MDN1: variants seen among roughly 807,000 people sequenced by gnomAD.
MDN1 encodes midasin.
Under a neutral mutation model 669.2 loss-of-function variants are expected in MDN1, and 266 were observed. The observed-to-expected ratio is 0.40, with a 90% CI of 0.36 to 0.44. The LOEUF (loss-of-function observed/expected upper bound fraction) is 0.44, where lower values mean the gene tolerates loss of function less well. Ranked by LOEUF, MDN1 falls within the 20% of genes least tolerant of loss-of-function variation. The pLI is 1.00. For missense variants in MDN1, 5,940 were observed against 6,754.0 expected (o/e 0.88, Z 4.22); for synonymous variants, 2,385 against 2,457.1 (o/e 0.97, Z 0.87).
chr6:89,651,684 A>G (rs990277827), intron 95 of MDN1, among the ~76,000 whole-genome samples: 15 of 152,212 alleles, frequency 9.9e-5, no homozygotes, highest in Admixed American at 3.3e-4. Flanking sequence ...ACAAAGCCCC[A>G]TGATTTTTCT....
Position 89,781,445 on chromosome 6 carries a change from T to C in MDN1, c.1597A>G (p.Arg533Gly), listed in dbSNP as rs1042912092. ...TCAAGGGTTGGTCTTTTGTTTTCTC[T>C]TCTGGCTTCTGAAACTTCTTCAGGT... Reference protein sequence around the residue: ...QAPEEVSEARRENKRPTLEGR... With the variant: ...QAPEEVSEARGENKRPTLEGR... The change falls in exon 10 of 102, where the codon AGA becomes GGA. Residue 533 changes from arginine (R) to glycine (G), a missense_variant. Coordinates refer to ENST00000369393, the MANE Select transcript of MDN1 (RefSeq NM_014611.3). The C allele has an allele frequency of 1.9e-6, 3 of 1,614,182 alleles. No homozygotes were observed. The highest frequency in any genetic ancestry group is 3.3e-5 in the Admixed American group (2 of 60,020).
chr6:89,779,029 CCTT>C (rs1263723555), intron 11 of MDN1, among the ~76,000 whole-genome samples: 4 of 151,402 alleles, frequency 2.6e-5, no homozygotes, highest in Non-Finnish European at 5.9e-5. Flanking sequence ...TCTATGCACA[CCTT>C]CTTTATTTAA....
At chr6:89,659,526 A>C (rs1223367841) in intron 88 of MDN1, among the ~76,000 whole-genome samples, 1 of 152,246 alleles carries the variant, frequency 6.6e-6, no homozygotes, top group Admixed American at 6.5e-5. Flanking sequence ...AAAATATTTA[A>C]TATCTGACAC....
chr6:89,742,824 G>T (rs2128317202), intron 31 of MDN1, among the ~76,000 whole-genome samples: 1 of 152,064 alleles, frequency 6.6e-6, no homozygotes, highest in East Asian at 1.9e-4. Flanking sequence ...ACCATTCCAC[G>T]ATCCCATTGT....
intron 7 of MDN1, among the ~76,000 whole-genome samples, chr6:89,788,880 C>G (rs564066098): frequency 1.3e-5 from 2 of 152,150 alleles, no homozygotes; most frequent in South Asian, 4.1e-4. Flanking sequence ...AATCCCAGCA[C>G]TTTGGGAGGC....
At chr6:89,666,026 G>A (rs1241724630) in intron 84 of MDN1, among the ~76,000 whole-genome samples, 1 of 152,198 alleles carries the variant, frequency 6.6e-6, no homozygotes, top group East Asian at 1.9e-4. Flanking sequence ...TGGGGAGAGA[G>A]CAAGACTCTG....
chr6:89,743,060 G>T, intron 31 of MDN1, 90 bp downstream of exon 31: 1 of 1,492,654 alleles, frequency 6.7e-7, no homozygotes. Flanking sequence ...GCAGCCTGGG[G>T]TGACAGAGTG....
At chr6:89,781,930 A>G (rs184658463) in intron 9 of MDN1, among the ~76,000 whole-genome samples, 4 of 152,314 alleles carry the variant, frequency 2.6e-5, no homozygotes, top group Admixed American at 2.0e-4. Context: ...GGCTGCAGTG[A>G]GCAGTGATCA....
chr6:89,789,780 C>A lies in MDN1; in HGVS notation c.1230G>T (p.Val410=). The A allele has an allele frequency of 1.3e-6, 2 of 1,586,068 alleles. No homozygotes were observed. The highest frequency in any genetic ancestry group is 1.7e-6 in the Non-Finnish European group (2 of 1,167,802). ...LEDIDYAPLD[V]VSVLIPLLEN... is the part of the protein sequence containing the mutation. ...CAATGAATTTCCTGAGATGACATAC[C>A]ACGTCTAAGGGGGCATAGTCAATAT... The change falls in exon 7 of 102, where the codon GTG becomes GTT. Residue 410 remains valine (V), a splice_region_variant and synonymous_variant. Transcript: ENST00000369393.
At chr6:89,740,576 A>AG (rs1309419274) in intron 31 of MDN1, among the ~76,000 whole-genome samples, 198 bp from the exon 32 acceptor site, 8 of 152,180 alleles carry the variant, frequency 5.3e-5, no homozygotes, top group Non-Finnish European at 1.0e-4. Flanking sequence ...CTGATCAAGA[A>AG]AAAAAAACTT....
chr6:89,692,728 G>A lies in MDN1; in HGVS notation c.10302C>T (p.Thr3434=). 1 of 1,614,148 alleles carries A rather than the reference G, an allele frequency of 6.2e-7. No homozygotes were observed. Among genetic ancestry groups the A allele is most frequent in the Non-Finnish European group, 8.5e-7 (1 of 1,179,996 alleles). The change falls in exon 63 of 102, where the codon ACC becomes ACT. Residue 3434 remains threonine, a synonymous_variant. Coordinates refer to ENST00000369393, the MANE Select transcript of MDN1 (RefSeq NM_014611.3). Reference sequence around the variant, plus strand: ...GGAAAGCCAGCAAGGCTGTGGCCAGGGTCCCCAGCCTGTCTGCACCAACCA... The same window carrying A: ...GGAAAGCCAGCAAGGCTGTGGCCAGAGTCCCCAGCCTGTCTGCACCAACCA... ...SSMVGADRLG[T]LATALLAFPS... is the part of the protein sequence containing the mutation.
chr6:89,717,088 G>A (rs1191826299), intron 43 of MDN1, among the ~76,000 whole-genome samples: 1 of 152,176 alleles, frequency 6.6e-6, no homozygotes, highest in African/African-American at 2.4e-5. Flanking sequence ...TTCTCAAATG[G>A]CAGAAGGAGG....
chr6:89,678,521 C>T, intron 75 of MDN1, 78 bp downstream of exon 75: 1 of 1,513,052 alleles, frequency 6.6e-7, no homozygotes, highest in Non-Finnish European at 9.0e-7. Flanking sequence ...TATGGAATTT[C>T]CCCCAAAATC....
chr6:89,709,495 C>T (rs959124870), intron 50 of MDN1, among the ~76,000 whole-genome samples: 3 of 152,178 alleles, frequency 2.0e-5, no homozygotes, highest in African/African-American at 7.2e-5. Context: ...GTAAAAGTTA[C>T]AATCCTCTCA....
chr6:89,711,908 T>G, intron 49 of MDN1, 128 bp downstream of exon 49: 1 of 809,726 alleles, frequency 1.2e-6, no homozygotes, highest in Non-Finnish European at 1.9e-6. Flanking sequence ...ACCACAAATT[T>G]CTTCCTAGGA....
At chr6:89,743,347 G>T in intron 30 of MDN1, 67 bp from the exon 31 acceptor site, 1 of 1,589,614 alleles carries the variant, frequency 6.3e-7, no homozygotes, top group Non-Finnish European at 8.6e-7. Context: ...CATGCAGCTG[G>T]CTGGTGTTTC....
rs772556986 is a variant in MDN1 at position 89,725,308 on chromosome 6, C to T, written c.5561G>A (p.Ser1854Asn). 56 of 1,613,938 alleles carry T rather than the reference C, an allele frequency of 3.5e-5. No individual in the cohort carries two copies. Among genetic ancestry groups the T allele is most frequent in the Non-Finnish European group, 4.7e-5 (56 of 1,179,928 alleles). Residue 1854 changes from serine (S) to asparagine (N), a missense_variant, in exon 38 of 102, where the codon AGC (serine) becomes AAC (asparagine). Physicochemically the swap from Ser to Asn is conservative, Grantham distance 46. Coordinates refer to ENST00000369393, the MANE Select transcript of MDN1 (RefSeq NM_014611.3). The stretch of plus-strand genomic sequence containing the variant: ...CGTCTTTTCATGCTGCACTTGAAAG[C>T]TCATTCCTAACTCAGGCACATAGAT... ...GEIYVPELGMSFQVQHEKTKI... is the reference protein window; with the variant it reads ...GEIYVPELGMNFQVQHEKTKI...
chr6:89,646,402 C>T, intron 100 of MDN1, 138 bp downstream of exon 100: 1 of 725,782 alleles, frequency 1.4e-6, no homozygotes, highest in Non-Finnish European at 2.3e-6. Flanking sequence ...TAAAAATCAG[C>T]TCCATCAATT....
Position 89,658,497 on chromosome 6 carries a change from G to C in MDN1, c.15021+113C>G. 4 of 1,526,378 alleles carry C rather than the reference G, an allele frequency of 2.6e-6. No homozygotes were observed. In the South Asian group the frequency reaches 3.7e-5, roughly 14 times the overall value. The allele number at this position is 1,526,378 out of a possible 1,614,324, so 94.6% of individuals were successfully genotyped here. Reference sequence around the variant, plus strand: ...TTAAAACAGAAACCTAGAACTCCTCGGAAGTGCCACATGTTGATGGAGGAG... The same window carrying C: ...TTAAAACAGAAACCTAGAACTCCTCCGAAGTGCCACATGTTGATGGAGGAG... On this transcript the variant is annotated intron_variant, in intron 89 of 101. Transcript: ENST00000369393.
Sources: allele counts gnomAD v4.1 joint callset (sites outside exome capture counted in the v4.1 genomes callset), GRCh38; gene constraint gnomAD v4.1.1; transcripts MANE v1.5; gene names NCBI Gene and HGNC (gene_info 2026-07-23, HGNC 2026-07-21).